The following NEGR1 variants were observed in gnomAD, a reference collection of about 807,000 sequenced individuals.
The protein encoded by NEGR1 is neuronal growth regulator 1.
In NEGR1, 10 loss-of-function variants were observed where a neutral mutation model predicts 40.9. The ratio of observed to expected loss-of-function variants is 0.24; its 90% CI spans 0.15 to 0.42. The LOEUF is 0.42. NEGR1 is among the 10% of genes least tolerant of loss of function. The pLI is 1.00. For missense variants in NEGR1, 352 were observed against 438.9 expected (o/e 0.80, Z 1.77); for synonymous variants, 185 against 166.8 (o/e 1.11, Z -0.84).
At chr1:71,863,439 C>T (rs1419364563) in intron 2 of NEGR1, among the ~76,000 whole-genome samples, 1 of 151,914 alleles carries the variant, frequency 6.6e-6, no homozygotes, top group Non-Finnish European at 1.5e-5. Flanking sequence ...CACACTGGGA[C>T]CTATTGGGGG....
intron 1 of NEGR1, among the ~76,000 whole-genome samples, chr1:72,119,540 A>G (rs1462943815): frequency 6.6e-6 from 1 of 151,992 alleles, no homozygotes; most frequent in Non-Finnish European, 1.5e-5. Flanking sequence ...GATACACAAT[A>G]CTGCATAGGT....
chr1:72,190,792 C>A (rs751186681), intron 1 of NEGR1, among the ~76,000 whole-genome samples: 1 of 151,368 alleles, frequency 6.6e-6, no homozygotes, highest in Non-Finnish European at 1.5e-5. Flanking sequence ...AAATAAATGA[C>A]CTGCCACTCT....
At chr1:72,190,501 T>A (rs1652782439) in intron 1 of NEGR1, among the ~76,000 whole-genome samples, 1 of 151,656 alleles carries the variant, frequency 6.6e-6, no homozygotes, top group African/African-American at 2.4e-5. Context: ...TGGAGATATT[T>A]AATTTTAATG....
chr1:71,511,532 AG>A (rs1647073054), intron 6 of NEGR1, among the ~76,000 whole-genome samples: 1 of 152,236 alleles, frequency 6.6e-6, no homozygotes, highest in East Asian at 1.9e-4. Context: ...AACTGAACAT[AG>A]TGGAAAGAGT....
chr1:71,634,778 A>G (rs972477593), intron 4 of NEGR1, among the ~76,000 whole-genome samples: 5 of 152,130 alleles, frequency 3.3e-5, no homozygotes, highest in Non-Finnish European at 7.4e-5. Context: ...TGGATTGCTG[A>G]AATCCAAATT....
At chr1:71,877,698 A>C (rs558981667) in intron 2 of NEGR1, among the ~76,000 whole-genome samples, 1 of 152,168 alleles carries the variant, frequency 6.6e-6, no homozygotes, top group Non-Finnish European at 1.5e-5. Flanking sequence ...AAAGAGTAAA[A>C]TTAGCTGTGG....
intron 1 of NEGR1, among the ~76,000 whole-genome samples, chr1:71,951,073 A>C (rs1304846002): frequency 6.6e-6 from 1 of 151,966 alleles, no homozygotes; most frequent in Non-Finnish European, 1.5e-5. Flanking sequence ...ATAGGCTATA[A>C]AATAAATATA....
At chr1:72,266,856 A>G (rs1055555661) in intron 1 of NEGR1, among the ~76,000 whole-genome samples, 1 of 150,750 alleles carries the variant, frequency 6.6e-6, no homozygotes, top group Admixed American at 6.6e-5. Context: ...TTGAAAATCA[A>G]TTGATGAGGA....
chr1:72,171,258 A>T (rs1198980152), intron 1 of NEGR1, among the ~76,000 whole-genome samples: 1 of 152,176 alleles, frequency 6.6e-6, no homozygotes, highest in Non-Finnish European at 1.5e-5. Flanking sequence ...TATAAATATT[A>T]CTAGAGTTAC....
At chr1:72,089,680 T>G (rs2100542037) in intron 1 of NEGR1, among the ~76,000 whole-genome samples, 1 of 152,304 alleles carries the variant, frequency 6.6e-6, no homozygotes, top group Non-Finnish European at 1.5e-5. Context: ...TATATAAACC[T>G]TTTATTTTTC....
chr1:72,202,253 C>T (rs1429051710), intron 1 of NEGR1, among the ~76,000 whole-genome samples: 1 of 151,804 alleles, frequency 6.6e-6, no homozygotes, highest in Non-Finnish European at 1.5e-5. Flanking sequence ...ATCAGCCATT[C>T]CTCCATACCT....
At chr1:71,597,472 C>CTCTCTCTCTCTCTCTCTCTCTCTGTG (rs756076229) in intron 5 of NEGR1, among the ~76,000 whole-genome samples, 1 of 31,326 alleles carries the variant, frequency 3.2e-5, no homozygotes, top group African/African-American at 1.0e-4. Context: ...CTCTCTCTCT[C>CTCTCTCTCTCTCTCTCTCTCTCTGTG]TGTGTGTGTG....
intron 1 of NEGR1, among the ~76,000 whole-genome samples, chr1:72,077,145 C>G (rs761179014): frequency 6.6e-5 from 10 of 151,868 alleles, no homozygotes; most frequent in Non-Finnish European, 1.2e-4. Flanking sequence ...CCATCCGCCT[C>G]GGCCTCCCAA....
chr1:71,436,898 T>C (rs1645154001), intron 6 of NEGR1, among the ~76,000 whole-genome samples: 1 of 152,218 alleles, frequency 6.6e-6, no homozygotes, highest in Non-Finnish European at 1.5e-5. Context: ...CAACTGCTTA[T>C]GTCATCAGTA....
At chr1:71,856,485 A>G (rs652430) in intron 2 of NEGR1, among the ~76,000 whole-genome samples, 5,555 of 152,194 alleles carry the variant, frequency 0.036, 188 homozygotes, top group African/African-American at 0.087. Flanking sequence ...CAGTGACTAG[A>G]AAGATATAAT....
chr1:71,785,316 C>A (rs1656871747), intron 2 of NEGR1, among the ~76,000 whole-genome samples: 2 of 152,112 alleles, frequency 1.3e-5, no homozygotes, highest in South Asian at 4.1e-4. Context: ...AGGAAGAACA[C>A]CGCAATTGAA....
intron 3 of NEGR1, among the ~76,000 whole-genome samples, chr1:71,732,724 G>A (rs1389073685): frequency 2.6e-5 from 4 of 152,026 alleles, no homozygotes; most frequent in Admixed American, 1.3e-4. Flanking sequence ...TGACACATAA[G>A]TCCTCAAGAA....
In NEGR1 at chr1:72,112,344, C is replaced by A. The variant is rs1282514562; in HGVS notation, c.176+169975G>T. Among the ~76,000 whole-genome samples the A allele has an allele frequency of 6.6e-5, 10 of 150,830 alleles. No individual in the cohort carries two copies. The East Asian group carries it at 2.0e-3, about 30-fold the overall frequency. On this transcript the variant is annotated intron_variant, in intron 1 of 6. Coordinates refer to ENST00000357731, the MANE Select transcript of NEGR1 (RefSeq NM_173808.3). Reference sequence around the variant, plus strand: ...ATGTAAAGTAGTAATAATCAGAGTTCTTCGTTTATACTATTCTTCATTATA... The same window carrying A: ...ATGTAAAGTAGTAATAATCAGAGTTATTCGTTTATACTATTCTTCATTATA...
At chr1:71,783,011 G>C (rs150209662) in intron 2 of NEGR1, among the ~76,000 whole-genome samples, 1 of 150,140 alleles carries the variant, frequency 6.7e-6, no homozygotes, top group East Asian at 2.0e-4. Flanking sequence ...TTTTACTTTT[G>C]GATCTTTGCA....
Sources: allele counts gnomAD v4.1 joint callset (sites outside exome capture counted in the v4.1 genomes callset), GRCh38; gene constraint gnomAD v4.1.1; transcripts MANE v1.5; gene names NCBI Gene and HGNC (gene_info 2026-07-23, HGNC 2026-07-21).